The following LRRTM3 variants were observed in gnomAD, a reference collection of about 807,000 sequenced individuals.
The protein encoded by LRRTM3 is leucine rich repeat transmembrane neuronal 3, also known as leucine-rich repeat transmembrane neuronal protein 3.
Under a neutral mutation model 44.7 loss-of-function variants are expected in LRRTM3, and 24 were observed. That is an observed-to-expected ratio of 0.54 (90% confidence interval 0.39 to 0.76). LRRTM3 has a LOEUF of 0.76. Among genes scored for constraint, LRRTM3 ranks in the 30% least tolerant of loss-of-function variants. The probability of loss-of-function intolerance (pLI) is 0.00; values close to 1 mark genes in which losing one functional copy is unlikely to be tolerated. For missense variants in LRRTM3, 587 were observed against 702.2 expected, an observed-to-expected ratio of 0.84 and a Z score of 1.85; for synonymous variants, 277 against 278.7, an observed-to-expected ratio of 0.99 and a Z score of 0.06.
At chr10:67,013,874 G>A (rs1433856344) in intron 2 of LRRTM3, among the ~76,000 whole-genome samples, 2 of 152,054 alleles carry the variant, frequency 1.3e-5, no homozygotes, top group Admixed American at 1.3e-4. Context: ...GATGTAGATT[G>A]ATCTCTGATA....
chr10:66,961,313 C>T (rs1925564), intron 2 of LRRTM3, among the ~76,000 whole-genome samples: 34,296 of 152,030 alleles, frequency 0.23, 4,129 homozygotes, highest in East Asian at 0.36. Context: ...AAAACTGCTC[C>T]CCTTAAGGCC....
chr10:67,008,143 G>C lies in LRRTM3; in HGVS notation c.1536+79691G>C, dbSNP rs1380884294. Among the ~76,000 whole-genome samples the C allele has an allele frequency of 2.6e-5, 4 of 151,490 alleles. No individual in the cohort carries two copies. The East Asian group carries it at 7.7e-4, about 29-fold the overall frequency. On this transcript the variant is annotated intron_variant, in intron 2 of 2. Coordinates refer to ENST00000361320, the MANE Select transcript of LRRTM3 (RefSeq NM_178011.5). ...TAAATGTTTCTTAACACTCCAAAATGTATTGTGTAATAAAATATTGATGAG... is the reference window on the plus strand; with the variant it reads ...TAAATGTTTCTTAACACTCCAAAATCTATTGTGTAATAAAATATTGATGAG...
At chr10:67,015,060 G>A (rs1238325628) in intron 2 of LRRTM3, among the ~76,000 whole-genome samples, 1 of 151,962 alleles carries the variant, frequency 6.6e-6, no homozygotes, top group Non-Finnish European at 1.5e-5. Context: ...GTAAAAAATG[G>A]AAAAACTTTA....
chr10:67,057,969 T>G (rs1182713720), intron 2 of LRRTM3, among the ~76,000 whole-genome samples: 2 of 152,116 alleles, frequency 1.3e-5, no homozygotes, highest in African/African-American at 2.4e-5. Flanking sequence ...AATTCCAGAA[T>G]GATAGGCAAT....
At chr10:67,046,204 C>A (rs575255507) in intron 2 of LRRTM3, among the ~76,000 whole-genome samples, 34 of 152,252 alleles carry the variant, frequency 2.2e-4, no homozygotes, top group South Asian at 2.1e-3. Context: ...AATGGGGTTT[C>A]AATTTAAAGA....
intron 2 of LRRTM3, among the ~76,000 whole-genome samples, chr10:67,045,228 C>A (rs1306010631): frequency 6.6e-6 from 1 of 152,216 alleles, no homozygotes; most frequent in Middle Eastern, 3.4e-3. Flanking sequence ...GATTACTCTA[C>A]CAACATTTAT....
At chr10:66,997,322 A>C (rs1851409794) in intron 2 of LRRTM3, among the ~76,000 whole-genome samples, 2 of 152,224 alleles carry the variant, frequency 1.3e-5, no homozygotes, top group South Asian at 4.1e-4. Flanking sequence ...CTGAGCAGGA[A>C]ATACTTATTA....
chr10:67,038,110 T>C (rs1195827837), intron 2 of LRRTM3, among the ~76,000 whole-genome samples: 1 of 152,162 alleles, frequency 6.6e-6, no homozygotes, highest in East Asian at 1.9e-4. Flanking sequence ...TAGTACTGTT[T>C]ATATGAGTAT....
chr10:67,081,445 T>G (rs1857052254), intron 2 of LRRTM3, among the ~76,000 whole-genome samples: 1 of 152,206 alleles, frequency 6.6e-6, no homozygotes, highest in African/African-American at 2.4e-5. Context: ...AACTGTAAGA[T>G]GCAGATTATT....
At chr10:66,988,701 T>C (rs917741246) in intron 2 of LRRTM3, among the ~76,000 whole-genome samples, 3 of 152,166 alleles carry the variant, frequency 2.0e-5, no homozygotes, top group African/African-American at 7.2e-5. Context: ...GCAGTCTGAT[T>C]AGGTCACCTC....
At chr10:67,036,514 C>A (rs138247854) in intron 2 of LRRTM3, among the ~76,000 whole-genome samples, 1,830 of 152,064 alleles carry the variant, frequency 0.012, 47 homozygotes, top group African/African-American at 0.042. Context: ...AAATACAAAA[C>A]TTAGCCGGGC....
chr10:66,931,255 T>C (rs1444645375), intron 2 of LRRTM3, among the ~76,000 whole-genome samples: 1 of 151,196 alleles, frequency 6.6e-6, no homozygotes, highest in Non-Finnish European at 1.5e-5. Context: ...AATACTTTGC[T>C]TTACCAAAAC....
rs191736710 is a variant in LRRTM3 at position 66,971,165 on chromosome 10, C to T, written c.1536+42713C>T. 3.1e-3 allele frequency among the ~76,000 whole-genome samples: 475 copies of T among 152,218 alleles called. 6 individuals carry two copies. Among genetic ancestry groups the T allele is most frequent in the Admixed American group, 0.025 (382 of 15,274 alleles). ...AAAAAAGGCTGGGTGTGGTGGCTCA[C>T]GCCTGTAATCCCAGCACTTTGGGAG... On this transcript the variant is annotated intron_variant, in intron 2 of 2. Transcript: ENST00000361320.
At position 66,927,761 on chromosome 10, in the gene LRRTM3, G is replaced by T. The variant is rs765796649; in HGVS notation, c.845G>T (p.Arg282Leu). The change falls in exon 2 of 3, where the codon CGC becomes CTC. Residue 282 changes from arginine (R) to leucine (L), a missense_variant. By Grantham distance (102) the Arg-to-Leu change is moderately radical. Transcript: ENST00000361320. This position sits in a 1 kb window ranked among gnomAD's most constrained non-coding sequence, Gnocchi z 4.7. ...SVFQCVPNLQ[R>L]LNLDSNKLTF... Reference sequence around the variant, plus strand: ...TTCCAGTGTGTCCCGAATCTGCAGCGCCTCAACCTGGATTCCAACAAGCTC... The same window carrying T: ...TTCCAGTGTGTCCCGAATCTGCAGCTCCTCAACCTGGATTCCAACAAGCTC... 34 of 1,614,032 alleles carry T rather than the reference G, an allele frequency of 2.1e-5. No individual in the cohort carries two copies. Among genetic ancestry groups the T allele is most frequent in the Middle Eastern group, 1.6e-4 (1 of 6,084 alleles).
intron 2 of LRRTM3, among the ~76,000 whole-genome samples, chr10:67,069,557 GCCCCACCCCACCCCACCCCA>G (rs549930721): frequency 2.2e-4 from 21 of 96,358 alleles, no homozygotes; most frequent in Middle Eastern, 4.8e-3. Context: ...ACAGCAGCCC[GCCCCACCCCACCCCACCCCA>G]CCCCACCCAG....
intron 2 of LRRTM3, among the ~76,000 whole-genome samples, chr10:67,058,048 C>T (rs1220955300): frequency 1.3e-5 from 2 of 152,078 alleles, no homozygotes; most frequent in South Asian, 2.1e-4. Flanking sequence ...GTACAGTGTC[C>T]CCAAGACCTG....
At chr10:67,031,734 G>C (rs977988591) in intron 2 of LRRTM3, among the ~76,000 whole-genome samples, 4 of 152,108 alleles carry the variant, frequency 2.6e-5, no homozygotes, top group Non-Finnish European at 5.9e-5. Context: ...CAAAGATAAT[G>C]TAATTCTTGT....
chr10:66,971,843 T>G (rs1849741133), intron 2 of LRRTM3, among the ~76,000 whole-genome samples: 1 of 152,180 alleles, frequency 6.6e-6, no homozygotes, highest in Admixed American at 6.5e-5. Context: ...TTCTTCTCTT[T>G]AATATTTCTC....
intron 2 of LRRTM3, among the ~76,000 whole-genome samples, chr10:66,930,403 T>C (rs759994856): frequency 4.6e-5 from 7 of 152,210 alleles, no homozygotes; most frequent in Non-Finnish European, 8.8e-5. Context: ...TTTACTGAAG[T>C]TGTAACTTTA....
Sources: allele counts gnomAD v4.1 joint callset (sites outside exome capture counted in the v4.1 genomes callset), GRCh38; gene constraint gnomAD v4.1.1; non-coding constraint Gnocchi (gnomAD v3.1); transcripts MANE v1.5; gene names NCBI Gene and HGNC (gene_info 2026-07-23, HGNC 2026-07-21).